Variants in CCDC80 observed in about 807,000 individuals in gnomAD.
CCDC80 encodes the protein coiled-coil domain-containing protein 80.
A neutral mutation model predicts 78.7 loss-of-function variants in CCDC80; 49 were observed. That is an observed-to-expected ratio of 0.62 (90% CI 0.50 to 0.79). The LOEUF is 0.79. CCDC80 is among the 30% of genes least tolerant of loss of function. The pLI is 0.00. For synonymous variants in CCDC80, 488 were observed against 447.0 expected (o/e 1.09, Z -1.16); for missense variants, 1,205 against 1,198.6 (o/e 1.01, Z -0.08).
Position 112,638,773 on chromosome 3 carries a change from G to A in CCDC80, c.1133C>T (p.Thr378Ile). Residue 378 changes from threonine to isoleucine, a missense_variant, in exon 2 of 8, where the codon ACC becomes ATC. Transcript: ENST00000206423. ...AVTVAARPMT[T>I]TAFPTTQRPW... is the part of the protein sequence containing the mutation. Reference sequence around the variant, plus strand: ...CCTCTGCGTGGTGGGAAAGGCAGTGGTGGTCATAGGTCTTGCAGCAACTGT... The same window carrying A: ...CCTCTGCGTGGTGGGAAAGGCAGTGATGGTCATAGGTCTTGCAGCAACTGT... The A allele has an allele frequency of 6.2e-7, 1 of 1,613,946 alleles. No homozygotes were observed. The highest frequency in any genetic ancestry group is 8.5e-7 in the Non-Finnish European group (1 of 1,180,006).
Position 112,600,831 on chromosome 3 carries a change from G to A in CCDC80, c.*4586C>T, listed in dbSNP as rs1204806722. 6.6e-6 allele frequency: 1 copy of A among 152,070 alleles called. No homozygotes were observed. The highest frequency in any genetic ancestry group is 1.9e-4 in the East Asian group (1 of 5,190). The allele number at this position is 152,070 out of a possible 1,614,324, so 9.4% of individuals were successfully genotyped here. On this transcript the variant is annotated 3_prime_UTR_variant, in exon 8 of 8. Transcript: ENST00000206423. ...CTCCCTCATTATTATATTTCCTGAA[G>A]TTGACATGATTTGGGTCCTTTACTT... is the stretch of plus-strand genomic sequence containing the variant.
chr3:112,636,522 A>G (rs564527988), intron 2 of CCDC80, among the ~76,000 whole-genome samples: 34 of 152,340 alleles, frequency 2.2e-4, no homozygotes, highest in African/African-American at 7.5e-4. Context: ...AATTTGGGAT[A>G]TGTCCCACTC....
chr3:112,606,672 A>C (rs1460177393), intron 7 of CCDC80, among the ~76,000 whole-genome samples: 1 of 151,652 alleles, frequency 6.6e-6, no homozygotes, highest in Non-Finnish European at 1.5e-5. Flanking sequence ...TGTTCTGCCC[A>C]CCTCGGCCTC....
chr3:112,604,093 G>A lies in CCDC80; in HGVS notation c.*1324C>T, dbSNP rs1456586153. ...TGCTTCTTATGAATGAACGAAGAAA[G>A]TGATTTCTTGAGATGGAATCTACTC... On this transcript the variant is annotated 3_prime_UTR_variant, in exon 8 of 8. Transcript: ENST00000206423. 6.6e-6 allele frequency: 1 copy of A among 152,246 alleles called. No homozygotes were observed. The highest frequency in any genetic ancestry group is 2.4e-5 in the African/African-American group (1 of 41,470). 9.4% of individuals were successfully genotyped at this position (152,246 alleles called of 1,614,324 possible).
Position 112,639,948 on chromosome 3 carries a change from G to C in CCDC80, c.-11-32C>G, listed in dbSNP as rs897137917. ...GATGCACGGAGGTCATAAAACAAAG[G>C]GGAGGGGGAAAAAAGAAAGAAAATT... On this transcript the variant is annotated intron_variant, in intron 1 of 7. Coordinates refer to ENST00000206423, the MANE Select transcript of CCDC80 (RefSeq NM_199511.3). The C allele has an allele frequency of 7.0e-6, 11 of 1,561,240 alleles. No homozygotes were observed. In the Admixed American group the frequency reaches 1.6e-4, roughly 22 times the overall value.
chr3:112,637,343 C>A (rs1165148007), intron 2 of CCDC80, among the ~76,000 whole-genome samples: 3 of 152,190 alleles, frequency 2.0e-5, no homozygotes, highest in African/African-American at 2.4e-5. Context: ...TTCCTAGTAG[C>A]TGGATAGAAA....
chr3:112,633,136 GTAAATATA>G (rs1343461116), intron 2 of CCDC80, among the ~76,000 whole-genome samples: 1 of 152,112 alleles, frequency 6.6e-6, no homozygotes. Context: ...CTGAGCAAAA[GTAAATATA>G]TCTGTATATC....
In CCDC80 at chr3:112,599,739, G is replaced by A. The variant is rs1935342481; in HGVS notation, c.*5678C>T. 1 of 152,152 alleles carries A rather than the reference G, an allele frequency of 6.6e-6. No homozygotes were observed. The highest frequency in any genetic ancestry group is 1.5e-5 in the Non-Finnish European group (1 of 68,050). 9.4% of individuals were successfully genotyped at this position (152,152 alleles called of 1,614,324 possible). A position where few individuals can be genotyped will look rare whatever the true frequency, so the allele number is the denominator to read the frequency against. On this transcript the variant is annotated 3_prime_UTR_variant, in exon 8 of 8. Transcript: ENST00000206423. ...TTGTTAATTATATTACAGAAAATGG[G>A]ACCAGCTGGGTTGCACCCACTCCCC... is the stretch of plus-strand genomic sequence containing the variant.
chr3:112,601,697 G>GAAAAAAAAA lies in CCDC80; in HGVS notation c.*3719_*3720insTTTTTTTTT, dbSNP rs767380051. 4.3e-5 allele frequency: 2 copies of GAAAAAAAAA among 46,140 alleles called. No individual in the cohort carries two copies. The highest frequency in any genetic ancestry group is 7.9e-5 in the African/African-American group (2 of 25,442). The allele number at this position is 46,140 out of a possible 1,614,324, so 2.9% of individuals were successfully genotyped here. On this transcript the variant is annotated 3_prime_UTR_variant, in exon 8 of 8. Coordinates refer to ENST00000206423, the MANE Select transcript of CCDC80 (RefSeq NM_199511.3). Reference sequence around the variant, plus strand: ...CTCTCCAAAAAAAGAAAAAAAAAAAGAGAAAAAAAAGAAGCAGCAGCAACG... The same window carrying GAAAAAAAAA: ...CTCTCCAAAAAAAGAAAAAAAAAAAGAAAAAAAAAAGAAAAAAAAGAAGCAGCAGCAACG...
chr3:112,639,834 G>A lies in CCDC80; in HGVS notation c.72C>T (p.His24=). ...AMWLVCGSEP[H]PHATIRGSHG... is the part of the protein sequence containing the mutation. ...GGCTGCCTCTAATAGTGGCATGGGGGTGGGGTTCTGATCCACACACTAGCC... is the reference window on the plus strand; with the variant it reads ...GGCTGCCTCTAATAGTGGCATGGGGATGGGGTTCTGATCCACACACTAGCC... Residue 24 remains histidine, a synonymous_variant, in exon 2 of 8, where the codon CAC becomes CAT. Transcript: ENST00000206423. 1.2e-6 allele frequency: 2 copies of A among 1,614,152 alleles called. No homozygotes were observed. Among genetic ancestry groups the A allele is most frequent in the African/African-American group, 1.3e-5 (1 of 75,022 alleles).
chr3:112,624,387 C>T (rs1279658903), intron 3 of CCDC80, among the ~76,000 whole-genome samples: 2 of 152,188 alleles, frequency 1.3e-5, no homozygotes, highest in Admixed American at 1.3e-4. Context: ...CCAGCAGAAG[C>T]TAAATTGCTT....
rs1935386899 is a variant in CCDC80 at position 112,602,255 on chromosome 3, A to C, written c.*3162T>G. 6.6e-6 allele frequency: 1 copy of C among 152,248 alleles called. No homozygotes were observed. The highest frequency in any genetic ancestry group is 2.1e-4 in the South Asian group (1 of 4,836). The allele number at this position is 152,248 out of a possible 1,614,324, so 9.4% of individuals were successfully genotyped here. A position where few individuals can be genotyped will look rare whatever the true frequency, so the allele number is the denominator to read the frequency against. On this transcript the variant is annotated 3_prime_UTR_variant, in exon 8 of 8. Transcript: ENST00000206423. ...ATGTGTGTATGTTCTGATTGCTCCA[A>C]CAACCAACCTTTCTCCAATCTTTCT...
At chr3:112,625,706 T>G (rs1935955362) in intron 3 of CCDC80, among the ~76,000 whole-genome samples, 1 of 152,124 alleles carries the variant, frequency 6.6e-6, no homozygotes, top group Non-Finnish European at 1.5e-5. Flanking sequence ...TTTATTTGTA[T>G]TTGTCTAAAA....
At chr3:112,608,814 T>C (rs1280881000) in intron 6 of CCDC80, among the ~76,000 whole-genome samples, 1 of 152,214 alleles carries the variant, frequency 6.6e-6, no homozygotes, top group East Asian at 1.9e-4. Flanking sequence ...TTTCTATTGT[T>C]CTTACTATTA....
chr3:112,612,733 A>G (rs1333278053), intron 5 of CCDC80, among the ~76,000 whole-genome samples: 1 of 152,104 alleles, frequency 6.6e-6, no homozygotes, highest in Non-Finnish European at 1.5e-5. Flanking sequence ...CCCTGAACCA[A>G]ATGAGTGCTG....
rs1936282234 is a variant in CCDC80 at position 112,639,119 on chromosome 3, G to C, written c.787C>G (p.Gln263Glu). Residue 263 changes from glutamine (Q) to glutamate (E), a missense_variant, in exon 2 of 8, where the codon CAA (glutamine) becomes GAA (glutamate). Coordinates refer to ENST00000206423, the MANE Select transcript of CCDC80 (RefSeq NM_199511.3). ...TTCTCGATCCTACGGATGGGGCCTTGGTCGATGACCTCGTACATGGCTTCC... is the reference window on the plus strand; with the variant it reads ...TTCTCGATCCTACGGATGGGGCCTTCGTCGATGACCTCGTACATGGCTTCC... ...RLEAMYEVID[Q>E]GPIRRIEKIR... 6.2e-7 allele frequency: 1 copy of C among 1,614,110 alleles called. No individual in the cohort carries two copies. Among genetic ancestry groups the C allele is most frequent in the Middle Eastern group, 1.6e-4 (1 of 6,062 alleles).
intron 6 of CCDC80, among the ~76,000 whole-genome samples, chr3:112,608,536 G>A (rs908243366): frequency 1.3e-5 from 2 of 152,142 alleles, no homozygotes. Context: ...TGTGACATAG[G>A]ATCTGTGTGC....
At chr3:112,623,502 G>A (rs1156281508) in intron 3 of CCDC80, among the ~76,000 whole-genome samples, 10 of 152,146 alleles carry the variant, frequency 6.6e-5, no homozygotes, top group Middle Eastern at 3.4e-3. Flanking sequence ...GTAAAAGTAC[G>A]ATCCACTATC....
intron 1 of CCDC80, 139 bp from the exon 2 acceptor site, chr3:112,640,055 AG>A (rs1936312296): frequency 7.1e-7 from 1 of 1,409,676 alleles, no homozygotes. Flanking sequence ...AGAGAGAAGG[AG>A]GGAGGTCAGG....
Sources: gnomAD v4.1 joint callset for allele counts (sites outside exome capture counted in the v4.1 genomes callset) on GRCh38, gnomAD v4.1.1 for gene constraint, MANE v1.5 for transcripts, NCBI Gene and HGNC (gene_info 2026-07-23, HGNC 2026-07-21) for gene names.